The following ILRUN variants were observed in gnomAD, a reference collection of about 807,000 sequenced individuals.
ILRUN encodes inflammation and lipid regulator with UBA-like and NBR1-like domains.
In ILRUN, 3 loss-of-function variants were observed where a neutral mutation model predicts 33.8. That is an observed-to-expected ratio of 0.09 (90% confidence interval 0.04 to 0.23). ILRUN has a LOEUF of 0.23. Among genes scored for constraint, ILRUN ranks in the 10% least tolerant of loss-of-function variants. ILRUN has a pLI of 1.00. For synonymous variants in ILRUN, 124 were observed against 138.9 expected, an observed-to-expected ratio of 0.89 and a Z score of 0.75; for missense variants, 210 against 375.1, an observed-to-expected ratio of 0.56 and a Z score of 3.64.
intron 4 of ILRUN, among the ~76,000 whole-genome samples, chr6:34,604,952 T>G (rs1014219434): frequency 6.6e-6 from 1 of 152,238 alleles, no homozygotes; most frequent in Non-Finnish European, 1.5e-5. Flanking sequence ...TACTAGACCA[T>G]GTGAAAGAGG....
Position 34,610,983 on chromosome 6 carries a change from C to T in ILRUN, c.512-4079G>A, listed in dbSNP as rs112660327. Among the ~76,000 whole-genome samples the T allele has an allele frequency of 3.0e-3, 461 of 152,038 alleles. 1 individual carries two copies. The highest frequency in any genetic ancestry group is 0.011 in the African/African-American group (436 of 41,470). ...TCCAGCACTCTGGGTGGTTGAGGAACGAGGATCACTTGAGCCCAGGAGTTT... is the reference window on the plus strand; with the variant it reads ...TCCAGCACTCTGGGTGGTTGAGGAATGAGGATCACTTGAGCCCAGGAGTTT... On this transcript the variant is annotated intron_variant, in intron 3 of 4. Coordinates refer to ENST00000374023, the MANE Select transcript of ILRUN (RefSeq NM_024294.4).
intron 2 of ILRUN, among the ~76,000 whole-genome samples, chr6:34,648,962 T>A (rs888935690): frequency 1.3e-5 from 2 of 152,240 alleles, no homozygotes; most frequent in African/African-American, 2.4e-5. Flanking sequence ...TGGGTCATCT[T>A]AGCTGTGCAA....
Position 34,683,453 on chromosome 6 carries a change from C to CATATATATATACAT in ILRUN, c.158+12992_158+12993insATGTATATATATAT, listed in dbSNP as rs1451602188. Among the ~76,000 whole-genome samples the CATATATATATACAT allele has an allele frequency of 1.7e-4, 16 of 96,600 alleles. 1 individual carries two copies. The highest frequency in any genetic ancestry group is 1.2e-3 in the East Asian group (4 of 3,458). The allele number at this position is 96,600 out of a possible 152,430, so 63.4% of individuals were successfully genotyped here. A position where few individuals can be genotyped will look rare whatever the true frequency, so the allele number is the denominator to read the frequency against. Reference sequence around the variant, plus strand: ...ACATATATATATACATATATATATACATATATATACATATATATACACATA... The same window carrying CATATATATATACAT: ...ACATATATATATACATATATATATACATATATATATACATATATATATACATATATATACACATA... On this transcript the variant is annotated intron_variant, in intron 1 of 4. Transcript: ENST00000374023.
At chr6:34,652,029 T>G (rs867243839) in intron 2 of ILRUN, among the ~76,000 whole-genome samples, 13 of 152,200 alleles carry the variant, frequency 8.5e-5, no homozygotes, top group African/African-American at 3.1e-4. Flanking sequence ...TGACCTCAAG[T>G]GATCTGCCCA....
At chr6:34,645,711 A>AT (rs1348384933) in intron 3 of ILRUN, among the ~76,000 whole-genome samples, 1 of 152,228 alleles carries the variant, frequency 6.6e-6, no homozygotes, top group African/African-American at 2.4e-5. Context: ...AGTTCTGCCC[A>AT]TAACGAGTTA....
Position 34,589,504 on chromosome 6 carries a change from C to T in ILRUN, c.*1061G>A, listed in dbSNP as rs1485349795. ...AGGCTGTGAAAATATCAGAGGACAA[C>T]TGAAGAGAAACAGGGAAAGGTGTTG... is the stretch of plus-strand genomic sequence containing the variant. On this transcript the variant is annotated 3_prime_UTR_variant, in exon 5 of 5. Transcript: ENST00000374023. The T allele has an allele frequency of 1.3e-5, 2 of 152,250 alleles. No homozygotes were observed. Among genetic ancestry groups the T allele is most frequent in the East Asian group, 3.8e-4 (2 of 5,196 alleles). 9.4% of individuals were successfully genotyped at this position (152,250 alleles called of 1,614,324 possible).
intron 1 of ILRUN, 60 bp from the exon 2 acceptor site, chr6:34,654,839 T>C: frequency 1.4e-6 from 2 of 1,468,808 alleles, no homozygotes; most frequent in Non-Finnish European, 1.8e-6. Context: ...TCCTAATTGT[T>C]AAACAAAAGG....
At chr6:34,657,806 G>A (rs186057124) in intron 1 of ILRUN, among the ~76,000 whole-genome samples, 83 of 152,238 alleles carry the variant, frequency 5.5e-4, no homozygotes, top group Non-Finnish European at 8.2e-4. Flanking sequence ...CATGATAGCA[G>A]GTATTCCTGT....
At chr6:34,591,986 C>T (rs205267) in intron 4 of ILRUN, among the ~76,000 whole-genome samples, 24,754 of 152,080 alleles carry the variant, frequency 0.16, 2,593 homozygotes, top group African/African-American at 0.29. Flanking sequence ...CTTGCTTCCC[C>T]TTATAAGAAA....
intron 2 of ILRUN, among the ~76,000 whole-genome samples, chr6:34,647,501 C>T (rs900769019): frequency 2.0e-5 from 3 of 151,906 alleles, no homozygotes; most frequent in African/African-American, 7.3e-5. Context: ...GAGGTACTTG[C>T]GGATAGGATG....
chr6:34,610,975 T>C (rs937667474), intron 3 of ILRUN, among the ~76,000 whole-genome samples: 1 of 152,038 alleles, frequency 6.6e-6, no homozygotes, highest in African/African-American at 2.4e-5. Context: ...CTCTGGGTGG[T>C]TGAGGAACGA....
At chr6:34,611,840 A>G (rs1205283778) in intron 3 of ILRUN, among the ~76,000 whole-genome samples, 4 of 152,220 alleles carry the variant, frequency 2.6e-5, no homozygotes, top group Non-Finnish European at 5.9e-5. Context: ...CCCAGCTTTT[A>G]GTATAGCTTT....
At chr6:34,594,344 C>T (rs886275729) in intron 4 of ILRUN, among the ~76,000 whole-genome samples, 7 of 152,176 alleles carry the variant, frequency 4.6e-5, no homozygotes, top group African/African-American at 1.7e-4. Context: ...AAAGCCACTC[C>T]TCTCTAGGAA....
At chr6:34,610,223 A>T (rs142185194) in intron 3 of ILRUN, among the ~76,000 whole-genome samples, 34 of 152,320 alleles carry the variant, frequency 2.2e-4, no homozygotes, top group African/African-American at 8.2e-4. Flanking sequence ...CATGTAAACT[A>T]GCAACATAAA....
chr6:34,607,087 G>C (rs1761649994), intron 3 of ILRUN, among the ~76,000 whole-genome samples, 183 bp from the exon 4 acceptor site: 2 of 152,086 alleles, frequency 1.3e-5, no homozygotes, highest in African/African-American at 2.4e-5. Flanking sequence ...CTACATTTTT[G>C]GTAATGTCAA....
At chr6:34,596,226 T>C (rs1470875647) in intron 4 of ILRUN, among the ~76,000 whole-genome samples, 1 of 152,220 alleles carries the variant, frequency 6.6e-6, no homozygotes, top group Non-Finnish European at 1.5e-5. Flanking sequence ...GGCTTGCTGG[T>C]GGCACAGCAG....
intron 1 of ILRUN, among the ~76,000 whole-genome samples, chr6:34,668,433 CA>C (rs1244965487): frequency 6.6e-6 from 1 of 152,130 alleles, no homozygotes; most frequent in African/African-American, 2.4e-5. Flanking sequence ...TCCCTCACAT[CA>C]AGTAACATTC....
intron 3 of ILRUN, among the ~76,000 whole-genome samples, chr6:34,614,443 A>AAAAAAAAATATATATAT (rs71000073): frequency 7.5e-6 from 1 of 133,598 alleles, no homozygotes; most frequent in African/African-American, 3.1e-5. Flanking sequence ...AAAAAAAAAA[A>AAAAAAAAATATATATAT]ATATATATAT....
chr6:34,646,714 G>C lies in ILRUN; in HGVS notation c.398C>G (p.Ser133Trp), dbSNP rs1416044108. ...FGHVNMVMVRSLEPQEIADVS... is the reference protein window; with the variant it reads ...FGHVNMVMVRWLEPQEIADVS... The stretch of plus-strand genomic sequence containing the variant: ...ATCTGCAATCTCTTGGGGCTCTAGC[G>C]ATCTCACCATCACCATGTTCACATG... The change falls in exon 3 of 5, where the codon TCG becomes TGG. Residue 133 changes from serine (S) to tryptophan (W), a missense_variant. This residue lies in a region of ILRUN where 60 missense variants were observed against 138.1 expected (regional missense o/e 0.43). Coordinates refer to ENST00000374023, the MANE Select transcript of ILRUN (RefSeq NM_024294.4). The surrounding 1 kb of genome is among the most constrained non-coding windows in gnomAD (Gnocchi z 4.9). 1 of 1,614,056 alleles carries C rather than the reference G, an allele frequency of 6.2e-7. No homozygotes were observed. Among genetic ancestry groups the C allele is most frequent in the Non-Finnish European group, 8.5e-7 (1 of 1,180,034 alleles).
Sources: gnomAD v4.1 joint callset for allele counts (sites outside exome capture counted in the v4.1 genomes callset) on GRCh38, gnomAD v4.1.1 for gene constraint, gnomAD v4.1.1 regional missense constraint, Gnocchi (gnomAD v3.1) non-coding constraint, MANE v1.5 for transcripts, NCBI Gene and HGNC (gene_info 2026-07-23, HGNC 2026-07-21) for gene names.